Variants in PCDHA13 observed in about 807,000 individuals in gnomAD.
The protein encoded by PCDHA13 is protocadherin alpha 13.
PCDHA13 carries 54 observed loss-of-function variants against 64.8 expected under a neutral mutation model. That is an observed-to-expected ratio of 0.83 (90% CI 0.67 to 1.04). The LOEUF (loss-of-function observed/expected upper bound fraction) is 1.04. PCDHA13 is among the 50% of genes least tolerant of loss of function. The pLI is 0.00. For missense variants in PCDHA13, 1,248 were observed against 1,254.3 expected, an observed-to-expected ratio of 0.99 and a Z score of 0.08; for synonymous variants, 587 against 564.4, an observed-to-expected ratio of 1.04 and a Z score of -0.57.
chr5:140,936,760 T>G (rs2091134702), intron 1 of PCDHA13, among the ~76,000 whole-genome samples: 1 of 152,220 alleles, frequency 6.6e-6, no homozygotes, highest in African/African-American at 2.4e-5. Context: ...TGATATCTAA[T>G]TGTGTAAGTT....
At chr5:140,909,312 A>AT (rs1365428416) in intron 1 of PCDHA13, among the ~76,000 whole-genome samples, 1 of 152,244 alleles carries the variant, frequency 6.6e-6, no homozygotes, top group Non-Finnish European at 1.5e-5. Context: ...AGAAAAAGGC[A>AT]TTTGCCAAAT....
intron 1 of PCDHA13, among the ~76,000 whole-genome samples, chr5:140,952,680 G>A (rs1013469820): frequency 6.6e-6 from 1 of 152,128 alleles, no homozygotes; most frequent in Middle Eastern, 3.2e-3. Flanking sequence ...CACATTTTCA[G>A]GATCTTTATA....
intron 3 of PCDHA13, among the ~76,000 whole-genome samples, chr5:140,990,262 C>T (rs2097383201): frequency 6.6e-6 from 1 of 152,152 alleles, no homozygotes; most frequent in South Asian, 2.1e-4. Context: ...GGATACCAAA[C>T]AATGTACCCC....
At chr5:140,989,530 AG>A (rs1249109717) in intron 3 of PCDHA13, among the ~76,000 whole-genome samples, 1 of 152,200 alleles carries the variant, frequency 6.6e-6, no homozygotes, top group Non-Finnish European at 1.5e-5. Context: ...CAGAGGAGGA[AG>A]ATAGTTTGTA....
intron 3 of PCDHA13, among the ~76,000 whole-genome samples, chr5:140,997,668 T>TTGTGTG (rs35184029): frequency 3.8e-4 from 56 of 148,342 alleles, no homozygotes; most frequent in African/African-American, 8.5e-4. Context: ...ATTATACAGC[T>TTGTGTG]TGTGTGTGTG....
intron 3 of PCDHA13, among the ~76,000 whole-genome samples, chr5:141,000,361 GTCTCTCTCTCTCTC>G (rs148596731): frequency 5.7e-4 from 15 of 26,444 alleles, no homozygotes; most frequent in African/African-American, 2.0e-3. Context: ...GTCTCTCTCT[GTCTCTCTCTCTCTC>G]TCTCTCTCTC....
chr5:140,927,896 A>G (rs571131956), intron 1 of PCDHA13: 1 of 1,614,200 alleles, frequency 6.2e-7, no homozygotes, highest in African/African-American at 1.3e-5. Context: ...GACGTGAACG[A>G]TCATGCCCCC....
In PCDHA13 at chr5:140,882,284, C is replaced by T. The variant is rs782560108; in HGVS notation, c.16C>T (p.Gln6Ter). Residue 6 changes from glutamine (Q) to a stop codon, truncating the protein, a stop_gained, in exon 1 of 4, where the codon CAA becomes TAA. Transcript: ENST00000289272. LOFTEE classifies it high-confidence loss of function. ...GGAGTGTACCATGCTGTCTTCCTGG[C>T]AAGGAGGCCCAAGACCGCGGCAACT... MLSSW[Q>*]GGPRPRQLLL... The T allele has an allele frequency of 4.3e-6, 7 of 1,612,734 alleles. No individual in the cohort carries two copies. The highest frequency in any genetic ancestry group is 5.9e-6 in the Non-Finnish European group (7 of 1,179,092).
intron 3 of PCDHA13, among the ~76,000 whole-genome samples, chr5:140,989,263 A>G (rs2097334941): frequency 6.6e-6 from 1 of 152,146 alleles, no homozygotes; most frequent in South Asian, 2.1e-4. Flanking sequence ...GGGAGATTCA[A>G]GTTTCTGCTG....
chr5:140,907,812 C>T (rs888159954), intron 1 of PCDHA13, among the ~76,000 whole-genome samples: 17 of 152,192 alleles, frequency 1.1e-4, no homozygotes, highest in Admixed American at 2.6e-4. Flanking sequence ...GTCCACAGAA[C>T]GAGTCATCCT....
chr5:140,980,275 C>G (rs1288435032), intron 2 of PCDHA13, among the ~76,000 whole-genome samples: 1 of 152,196 alleles, frequency 6.6e-6, no homozygotes. Flanking sequence ...AGTACCAACT[C>G]TTGAAAAGTA....
At chr5:140,930,013 G>A (rs2086530432) in intron 1 of PCDHA13, 1 of 152,118 alleles carries the variant, frequency 6.6e-6, no homozygotes, top group Admixed American at 6.5e-5. Context: ...ATAGCTGATA[G>A]CTCCATAGCA....
intron 1 of PCDHA13, among the ~76,000 whole-genome samples, chr5:140,958,063 A>G (rs2095406851): frequency 6.6e-6 from 1 of 152,118 alleles, no homozygotes; most frequent in Non-Finnish European, 1.5e-5. Flanking sequence ...GAGAGAAAAA[A>G]CACAGAAGCA....
intron 1 of PCDHA13, among the ~76,000 whole-genome samples, chr5:140,910,949 C>T (rs1413845849): frequency 1.3e-5 from 2 of 152,112 alleles, no homozygotes; most frequent in African/African-American, 2.4e-5. Context: ...CAGTTCTTTT[C>T]GAGTGTAGCA....
intron 1 of PCDHA13, among the ~76,000 whole-genome samples, chr5:140,974,022 A>G (rs1348109814): frequency 2.0e-5 from 3 of 152,248 alleles, no homozygotes; most frequent in African/African-American, 4.8e-5. Context: ...TGATAATACA[A>G]CTATAAATTT....
At chr5:140,896,501 T>G (rs1279439158) in intron 1 of PCDHA13, among the ~76,000 whole-genome samples, 4 of 152,048 alleles carry the variant, frequency 2.6e-5, no homozygotes, top group Non-Finnish European at 4.4e-5. Flanking sequence ...TAGCTGGGAC[T>G]GTGCAGGCAC....
Position 140,912,620 on chromosome 5 carries a change from G to A in PCDHA13, c.2394+27958G>A, listed in dbSNP as rs149952916. Among the ~76,000 whole-genome samples the A allele has an allele frequency of 2.6e-3, 391 of 152,154 alleles. 2 individuals carry two copies. The highest frequency in any genetic ancestry group is 9.2e-3 in the African/African-American group (380 of 41,510). ...TTTCTTCCTCTTGTCTGATTACTCT[G>A]GATGAGACTTTCAGTACTATGTTGA... On this transcript the variant is annotated intron_variant, in intron 1 of 3. Coordinates refer to ENST00000289272, the MANE Select transcript of PCDHA13 (RefSeq NM_018904.3).
intron 1 of PCDHA13, chr5:140,969,240 C>T: frequency 6.2e-7 from 1 of 1,614,198 alleles, no homozygotes; most frequent in South Asian, 1.1e-5. Context: ...GCCCAAGCAG[C>T]AGTGACTGAC....
chr5:140,924,704 G>A (rs6883852), intron 1 of PCDHA13, among the ~76,000 whole-genome samples: 1 of 152,052 alleles, frequency 6.6e-6, no homozygotes, highest in Non-Finnish European at 1.5e-5. Flanking sequence ...AGACCAGCTT[G>A]TGCAACATGG....
Sources: allele counts gnomAD v4.1 joint callset (sites outside exome capture counted in the v4.1 genomes callset), GRCh38; gene constraint gnomAD v4.1.1; transcripts MANE v1.5; gene names NCBI Gene and HGNC (gene_info 2026-07-23, HGNC 2026-07-21).